The following ARID1B variants were observed in gnomAD, a reference collection of about 807,000 sequenced individuals.
The protein encoded by ARID1B is AT-rich interactive domain-containing protein 1B.
In ARID1B, 30 loss-of-function variants were observed where a neutral mutation model predicts 212.3. That is an observed-to-expected ratio of 0.14 (90% CI 0.11 to 0.19). The LOEUF (loss-of-function observed/expected upper bound fraction) is 0.19, where lower values mean the gene tolerates loss of function less well. Among genes scored for constraint, ARID1B ranks in the 10% least tolerant of loss-of-function variants. The pLI, the probability that ARID1B is intolerant of heterozygous loss-of-function variation, is 1.00. For synonymous variants in ARID1B, 1,402 were observed against 1,301.7 expected, an observed-to-expected ratio of 1.08 and a Z score of -1.66; for missense variants, 2,891 against 3,204.0, an observed-to-expected ratio of 0.90 and a Z score of 2.36.
At chr6:157,033,706 T>C (rs768166909) in intron 4 of ARID1B, among the ~76,000 whole-genome samples, 56 of 152,228 alleles carry the variant, frequency 3.7e-4, no homozygotes, top group Non-Finnish European at 8.1e-4. Context: ...TGTAAATGGC[T>C]TAGCTGCTGC....
At chr6:156,893,535 A>G (rs1788130455) in intron 2 of ARID1B, among the ~76,000 whole-genome samples, 1 of 152,246 alleles carries the variant, frequency 6.6e-6, no homozygotes, top group Non-Finnish European at 1.5e-5. Flanking sequence ...TGCAAATCAT[A>G]TATCTGATAG....
intron 3 of ARID1B, among the ~76,000 whole-genome samples, chr6:156,925,165 T>TC (rs1582959996): frequency 1.3e-5 from 2 of 152,184 alleles, no homozygotes; most frequent in East Asian, 3.8e-4. Context: ...TTCTTCCATA[T>TC]CCCCTCAGGG....
At chr6:156,854,036 C>T (rs755713714) in intron 2 of ARID1B, among the ~76,000 whole-genome samples, 3 of 152,064 alleles carry the variant, frequency 2.0e-5, no homozygotes, top group Non-Finnish European at 4.4e-5. Flanking sequence ...GCCCAGCCCT[C>T]CATAAATTTT....
chr6:157,073,198 G>A (rs1177025235), intron 4 of ARID1B, among the ~76,000 whole-genome samples: 1 of 151,360 alleles, frequency 6.6e-6, no homozygotes, highest in Non-Finnish European at 1.5e-5. Context: ...CGCCTCCTGG[G>A]TTCAGGGAAT....
At chr6:157,135,487 AC>A (rs1207982159) in intron 7 of ARID1B, among the ~76,000 whole-genome samples, 1 of 152,054 alleles carries the variant, frequency 6.6e-6, no homozygotes, top group East Asian at 1.9e-4. Context: ...AAAGTTGGGC[AC>A]CCCTCCCAGC....
intron 4 of ARID1B, among the ~76,000 whole-genome samples, chr6:157,032,834 A>T (rs758976875): frequency 5.3e-5 from 8 of 151,908 alleles, no homozygotes; most frequent in Non-Finnish European, 7.4e-5. Context: ...CACCTTTTTT[A>T]AAAAAAACTG....
rs2128633796 is a variant in ARID1B, at chr6:157,148,577, C to G, written c.2762-47C>G. On this transcript the variant is annotated intron_variant, in intron 7 of 19. Coordinates refer to ENST00000636930, the MANE Select transcript of ARID1B (RefSeq NM_001374828.1). This position sits in a 1 kb window ranked among gnomAD's most constrained non-coding sequence, Gnocchi z 5.6. The stretch of plus-strand genomic sequence containing the variant: ...AAAAAGTATTTCCAGTGAATGTTGT[C>G]ACAAGTTTAAATAAAAGGCTTTACT... 6.5e-7 allele frequency: 1 copy of G among 1,549,666 alleles called. No homozygotes were observed. Among genetic ancestry groups the G allele is most frequent in the Non-Finnish European group, 8.8e-7 (1 of 1,140,328 alleles).
chr6:157,067,421 G>C (rs968194245), intron 4 of ARID1B, among the ~76,000 whole-genome samples: 2 of 152,218 alleles, frequency 1.3e-5, no homozygotes, highest in African/African-American at 4.8e-5. Context: ...TGCTAAGACA[G>C]AGTCTCCCTG....
intron 2 of ARID1B, among the ~76,000 whole-genome samples, chr6:156,866,504 G>C (rs1414473057): frequency 6.6e-6 from 1 of 152,028 alleles, no homozygotes; most frequent in Non-Finnish European, 1.5e-5. Flanking sequence ...GGCTGTTTTT[G>C]TTCCTCTTCT....
At chr6:156,883,750 C>CAGGTGCTGG (rs202099216) in intron 2 of ARID1B, among the ~76,000 whole-genome samples, 3 of 152,274 alleles carry the variant, frequency 2.0e-5, no homozygotes, top group African/African-American at 7.2e-5. Flanking sequence ...CTCTGAGTGG[C>CAGGTGCTGG]AGGTGCTGGA....
intron 4 of ARID1B, among the ~76,000 whole-genome samples, chr6:157,077,489 G>A (rs927541893): frequency 3.9e-5 from 6 of 152,098 alleles, no homozygotes; most frequent in Non-Finnish European, 7.4e-5. Flanking sequence ...CGCCTGTGCC[G>A]AAATGAGCAT....
intron 4 of ARID1B, among the ~76,000 whole-genome samples, chr6:157,063,614 C>A (rs1435843925): frequency 2.0e-5 from 3 of 152,108 alleles, no homozygotes; most frequent in Non-Finnish European, 2.9e-5. Context: ...ATGTGAGTTA[C>A]CAACATAAAA....
rs755801421 is a variant in ARID1B at position 157,206,730 on chromosome 6, C to T, written c.5958C>T (p.Gly1986=). The T allele has an allele frequency of 3.8e-5, 61 of 1,612,770 alleles. No individual in the cohort carries two copies. Among genetic ancestry groups the T allele is most frequent in the Middle Eastern group, 1.6e-4 (1 of 6,084 alleles). ...AGRKKEQEGK[G]DSEEQQEKSI... is the part of the protein sequence containing the mutation. ...GAAAGAAAGAGCAAGAAGGCAAAGG[C>T]GACTCTGAAGAGCAGCAAGAGAAAA... is the stretch of plus-strand genomic sequence containing the variant. Residue 1986 remains glycine (G), a synonymous_variant, in exon 20 of 20, where the codon GGC becomes GGT. Coordinates refer to ENST00000636930, the MANE Select transcript of ARID1B (RefSeq NM_001374828.1). This position sits in a 1 kb window ranked among gnomAD's most constrained non-coding sequence, Gnocchi z 6.8.
intron 2 of ARID1B, among the ~76,000 whole-genome samples, chr6:156,832,606 G>C (rs575770684): frequency 9.3e-4 from 142 of 152,338 alleles, no homozygotes; most frequent in African/African-American, 3.3e-3. Flanking sequence ...TACCAGCTGA[G>C]TGGTAAGTTG....
At chr6:156,900,163 T>C (rs1000574401) in intron 2 of ARID1B, among the ~76,000 whole-genome samples, 5 of 152,244 alleles carry the variant, frequency 3.3e-5, no homozygotes, top group African/African-American at 1.2e-4. Flanking sequence ...CAACTTAGGC[T>C]CTGTGTGATG....
intron 7 of ARID1B, among the ~76,000 whole-genome samples, chr6:157,144,624 G>A (rs959439967): frequency 6.6e-6 from 1 of 152,104 alleles, no homozygotes; most frequent in Non-Finnish European, 1.5e-5. Flanking sequence ...GGAGGAGTCT[G>A]AATTCCTTCT....
intron 2 of ARID1B, among the ~76,000 whole-genome samples, chr6:156,887,894 T>A (rs1208408938): frequency 6.6e-6 from 1 of 152,234 alleles, no homozygotes; most frequent in Non-Finnish European, 1.5e-5. Context: ...GTCTCGCTCC[T>A]CCTGTTCCCC....
At position 156,818,380 on chromosome 6, in the gene ARID1B, T is replaced by C. The variant is rs555125917; in HGVS notation, c.1792-10847T>C. Among the ~76,000 whole-genome samples the C allele has an allele frequency of 3.3e-5, 5 of 152,226 alleles. No homozygotes were observed. In the South Asian group the frequency reaches 1.0e-3, roughly 32 times the overall value. On this transcript the variant is annotated intron_variant, in intron 1 of 19. Coordinates refer to ENST00000636930, the MANE Select transcript of ARID1B (RefSeq NM_001374828.1). ...ATCTTAACTGGCATTTTAATACAATTTTTAAGTTGTTTATTTAAAATATTG... is the reference window on the plus strand; with the variant it reads ...ATCTTAACTGGCATTTTAATACAATCTTTAAGTTGTTTATTTAAAATATTG...
chr6:156,855,117 C>T lies in ARID1B; in HGVS notation c.1986+25696C>T, dbSNP rs943723652. ...ATAATGTCACTAGTGTCTAAGTTAA[C>T]ACGAAGAGATGAATGAACATAGGTC... On this transcript the variant is annotated intron_variant, in intron 2 of 19. Coordinates refer to ENST00000636930, the MANE Select transcript of ARID1B (RefSeq NM_001374828.1). 4.6e-5 allele frequency among the ~76,000 whole-genome samples: 7 copies of T among 152,254 alleles called. 1 individual carries two copies. In the South Asian group the frequency reaches 1.2e-3, roughly 27 times the overall value.
Sources: gnomAD v4.1 joint callset for allele counts (sites outside exome capture counted in the v4.1 genomes callset) on GRCh38, gnomAD v4.1.1 for gene constraint, Gnocchi (gnomAD v3.1) non-coding constraint, MANE v1.5 for transcripts, NCBI Gene and HGNC (gene_info 2026-07-23, HGNC 2026-07-21) for gene names.